MKLN1: variants seen among roughly 807,000 people sequenced by gnomAD.
MKLN1 encodes muskelin 1, also known as muskelin.
Under a neutral mutation model 99.0 loss-of-function variants are expected in MKLN1, and 18 were observed. The observed-to-expected ratio is 0.18, with a 90% CI of 0.13 to 0.27. The LOEUF is 0.27. Among genes scored for constraint, MKLN1 ranks in the 10% least tolerant of loss-of-function variants. The probability of loss-of-function intolerance (pLI) is 1.00; values close to 1 mark genes in which losing one functional copy is unlikely to be tolerated. For missense variants in MKLN1, 621 were observed against 875.9 expected (o/e 0.71, Z 3.67); for synonymous variants, 288 against 293.2 (o/e 0.98, Z 0.18).
chr7:131,175,932 G>A (rs1418579597), intron 2 of MKLN1, among the ~76,000 whole-genome samples: 2 of 151,856 alleles, frequency 1.3e-5, no homozygotes, highest in Non-Finnish European at 2.9e-5. Flanking sequence ...TTACTCTGAT[G>A]ATGCTATTAC....
intron 3 of MKLN1, among the ~76,000 whole-genome samples, chr7:131,205,105 A>C (rs891465815): frequency 5.1e-4 from 78 of 152,090 alleles, no homozygotes; most frequent in Non-Finnish European, 8.7e-4. Flanking sequence ...CTCAAAAAAA[A>C]AAAAGAAAAA....
chr7:131,480,933 A>T (rs926287022), intron 17 of MKLN1, among the ~76,000 whole-genome samples: 36 of 152,336 alleles, frequency 2.4e-4, no homozygotes, highest in African/African-American at 7.7e-4. Flanking sequence ...TAAATATATC[A>T]ATTAGGGTGG....
chr7:131,335,537 A>G (rs900135495), intron 1 of MKLN1, among the ~76,000 whole-genome samples: 1 of 152,156 alleles, frequency 6.6e-6, no homozygotes, highest in African/African-American at 2.4e-5. Context: ...GTTGTTAATA[A>G]TAATTGGAAA....
At position 131,493,898 on chromosome 7, in the gene MKLN1, G is replaced by A. The variant is rs1163563993; in HGVS notation, c.*6170G>A. The stretch of plus-strand genomic sequence containing the variant: ...TTAATGAATGCCAAATTAATTGGCA[G>A]GAAGAAGAAACACTGTGTGATATAC... On this transcript the variant is annotated 3_prime_UTR_variant, in exon 18 of 18. Coordinates refer to ENST00000352689, the MANE Select transcript of MKLN1 (RefSeq NM_013255.5). 1 of 152,206 alleles carries A rather than the reference G, an allele frequency of 6.6e-6. No individual in the cohort carries two copies. The highest frequency in any genetic ancestry group is 2.4e-5 in the African/African-American group (1 of 41,452). 9.4% of individuals were successfully genotyped at this position (152,206 alleles called of 1,614,324 possible).
intron 12 of MKLN1, among the ~76,000 whole-genome samples, chr7:131,456,422 A>T (rs1248898275): frequency 6.6e-6 from 1 of 152,042 alleles, no homozygotes; most frequent in Non-Finnish European, 1.5e-5. Flanking sequence ...GATTCCAGAA[A>T]CTCCTTAAAT....
At chr7:131,228,808 A>G (rs910284887) in intron 3 of MKLN1, among the ~76,000 whole-genome samples, 14 of 152,326 alleles carry the variant, frequency 9.2e-5, no homozygotes, top group African/African-American at 3.4e-4. Flanking sequence ...TTGATAGAAC[A>G]GTTTCTTCTC....
intron 10 of MKLN1, among the ~76,000 whole-genome samples, chr7:131,442,128 A>G (rs1426103336): frequency 6.6e-6 from 1 of 152,216 alleles, no homozygotes; most frequent in African/African-American, 2.4e-5. Context: ...TTTCATCTTA[A>G]TTTATGGAAG....
chr7:131,428,331 C>G (rs1194202587), intron 8 of MKLN1, among the ~76,000 whole-genome samples: 1 of 152,224 alleles, frequency 6.6e-6, no homozygotes, highest in East Asian at 1.9e-4. Flanking sequence ...TCTCAAGATA[C>G]TTAGAATGAC....
chr7:131,414,509 G>A (rs1794961432), intron 7 of MKLN1, 136 bp from the exon 8 acceptor site: 1 of 522,998 alleles, frequency 1.9e-6, no homozygotes, highest in Admixed American at 3.4e-5. Context: ...ACTTTTATGA[G>A]TCCTTTTACT....
chr7:131,130,526 G>C (rs1395578095), intron 1 of MKLN1, among the ~76,000 whole-genome samples: 2 of 152,174 alleles, frequency 1.3e-5, no homozygotes, highest in Non-Finnish European at 2.9e-5. Flanking sequence ...TAAATGTCAA[G>C]TGATTTGCCC....
intron 3 of MKLN1, among the ~76,000 whole-genome samples, chr7:131,204,322 A>C (rs997747577): frequency 1.3e-5 from 2 of 152,254 alleles, no homozygotes; most frequent in African/African-American, 4.8e-5. Flanking sequence ...TTATTAAAAT[A>C]GGTATGATCA....
At position 131,375,488 on chromosome 7, in the gene MKLN1, C is replaced by G; in HGVS notation, c.163C>G (p.Pro55Ala). Reference sequence around the variant, plus strand: ...ATGGTCTTCAGAGAGCAACTATCCTCCCCAGGTAAGATTACATGTATCCCT... The same window carrying G: ...ATGGTCTTCAGAGAGCAACTATCCTGCCCAGGTAAGATTACATGTATCCCT... The part of the protein sequence containing the change: ...SRWSSESNYP[P>A]QYLILKLERP... The change falls in exon 2 of 18, where the codon CCC (proline) becomes GCC (alanine). Residue 55 changes from proline (P) to alanine (A), a missense_variant. By Grantham distance (27) the Pro-to-Ala change is conservative (BLOSUM62 -1). Coordinates refer to ENST00000352689, the MANE Select transcript of MKLN1 (RefSeq NM_013255.5). 6.2e-7 allele frequency: 1 copy of G among 1,601,812 alleles called. No individual in the cohort carries two copies. The highest frequency in any genetic ancestry group is 1.1e-5 in the South Asian group (1 of 90,810).
At chr7:131,344,242 AAAT>A (rs1322607405) in intron 1 of MKLN1, among the ~76,000 whole-genome samples, 1 of 152,172 alleles carries the variant, frequency 6.6e-6, no homozygotes, top group African/African-American at 2.4e-5. Context: ...TCATTTTAGC[AAAT>A]AATAAATACT....
chr7:131,254,918 G>A (rs1240949099), intron 3 of MKLN1, among the ~76,000 whole-genome samples: 2 of 151,156 alleles, frequency 1.3e-5, no homozygotes, highest in Non-Finnish European at 3.0e-5. Context: ...TTTTTAGAAA[G>A]AAGATCTCTG....
At chr7:131,228,710 T>A (rs1200855550) in intron 3 of MKLN1, among the ~76,000 whole-genome samples, 2 of 152,236 alleles carry the variant, frequency 1.3e-5, no homozygotes, top group Non-Finnish European at 2.9e-5. Flanking sequence ...ACAGTTCAAA[T>A]GTTGAAACAC....
chr7:131,375,745 T>C (rs911000037), intron 2 of MKLN1, among the ~76,000 whole-genome samples: 1 of 152,062 alleles, frequency 6.6e-6, no homozygotes, highest in Non-Finnish European at 1.5e-5. Flanking sequence ...GCTCAAGTTA[T>C]TCTGTAAATG....
chr7:131,156,447 C>CAA (rs143988738), intron 2 of MKLN1, among the ~76,000 whole-genome samples: 5,000 of 74,246 alleles, frequency 0.067, 393 homozygotes, highest in African/African-American at 0.1. Context: ...GACTCTGTCT[C>CAA]AAAAAAAAAA....
intron 3 of MKLN1, among the ~76,000 whole-genome samples, chr7:131,256,383 C>T (rs1797658240): frequency 6.6e-6 from 1 of 152,046 alleles, no homozygotes; most frequent in African/African-American, 2.4e-5. Flanking sequence ...CATAGAAGAA[C>T]AAAAAGGACT....
intron 1 of MKLN1, among the ~76,000 whole-genome samples, chr7:131,335,181 T>A (rs1285968350): frequency 1.3e-5 from 2 of 152,152 alleles, no homozygotes; most frequent in African/African-American, 4.8e-5. Context: ...GGGAAGATGT[T>A]TCAGTTAGAA....
Sources: allele counts gnomAD v4.1 joint callset (sites outside exome capture counted in the v4.1 genomes callset), GRCh38; gene constraint gnomAD v4.1.1; transcripts MANE v1.5; gene names NCBI Gene and HGNC (gene_info 2026-07-23, HGNC 2026-07-21).